Variants in RET observed in about 807,000 individuals in gnomAD.
RET encodes the protein ret proto-oncogene, also known as proto-oncogene tyrosine-protein kinase receptor Ret.
RET carries 19 observed loss-of-function variants against 118.3 expected under a neutral mutation model. That is an observed-to-expected ratio of 0.16 (90% CI 0.11 to 0.24). The LOEUF is 0.24. Among genes scored for constraint, RET ranks in the 10% least tolerant of loss-of-function variants. The probability of loss-of-function intolerance (pLI) is 1.00; values close to 1 mark genes in which losing one functional copy is unlikely to be tolerated. For missense variants in RET, 1,219 were observed against 1,502.1 expected (o/e 0.81, Z 3.12); for synonymous variants, 597 against 644.1 (o/e 0.93, Z 1.11).
At chr10:43,117,677 C>A (rs1222407130) in intron 12 of RET, among the ~76,000 whole-genome samples, 1 of 152,248 alleles carries the variant, frequency 6.6e-6, no homozygotes, top group African/African-American at 2.4e-5. Flanking sequence ...ATGTGCTGGG[C>A]AGGTGATCCC....
chr10:43,097,579 G>A (rs548438191), intron 1 of RET, among the ~76,000 whole-genome samples: 2 of 152,222 alleles, frequency 1.3e-5, no homozygotes, highest in East Asian at 1.9e-4. Context: ...GACCCTCCTC[G>A]CCCTGTGAGG....
chr10:43,116,754 G>A (rs1449806958), intron 12 of RET, 23 bp downstream of exon 12: 1 of 1,445,746 alleles, frequency 6.9e-7, no homozygotes, highest in Admixed American at 1.7e-5. Context: ...CACAGGCACA[G>A]TGCCCCTGGG....
chr10:43,119,632 A>G lies in RET; in HGVS notation c.2494A>G (p.Ser832Gly), dbSNP rs2132946382. 1 of 1,613,012 alleles carries G rather than the reference A, an allele frequency of 6.2e-7. No homozygotes were observed. Among genetic ancestry groups the G allele is most frequent in the Non-Finnish European group, 8.5e-7 (1 of 1,179,942 alleles). Residue 832 changes from serine to glycine, a missense_variant, in exon 14 of 20, where the codon AGC becomes GGC. Physicochemically the swap from Ser to Gly is moderately conservative, Grantham distance 56. Coordinates refer to ENST00000355710, the MANE Select transcript of RET (RefSeq NM_020975.6). ...GCCTGGCTACCTGGGCAGTGGAGGC[A>G]GCCGCAACTCCAGCTCCCTGGACCA... ...VGPGYLGSGGSRNSSSLDHPD... is the reference protein window; with the variant it reads ...VGPGYLGSGGGRNSSSLDHPD...
In RET at chr10:43,128,259, T is replaced by C. The variant is rs756449491; in HGVS notation, c.3335T>C (p.Phe1112Ser). The C allele has an allele frequency of 1.2e-6, 2 of 1,614,174 alleles. No homozygotes were observed. Among genetic ancestry groups the C allele is most frequent in the Non-Finnish European group, 1.7e-6 (2 of 1,180,034 alleles). ...TCAGCGGCAAAATTAATGGACACGT[T>C]TGATAGTTAACATTTCTTTGTGAAA... Reference protein sequence around the residue: ...SPSAAKLMDTFDS With the variant: ...SPSAAKLMDTSDS Residue 1112 changes from phenylalanine (F) to serine (S), a missense_variant, in exon 20 of 20, where the codon TTT (phenylalanine) becomes TCT (serine). Phe to Ser is a radical substitution (Grantham distance 155). This residue lies in a region of RET where 174 missense variants were observed against 179.3 expected (regional missense o/e 0.97). Coordinates refer to ENST00000355710, the MANE Select transcript of RET (RefSeq NM_020975.6).
intron 1 of RET, among the ~76,000 whole-genome samples, chr10:43,085,313 G>A (rs964410722): frequency 2.0e-5 from 3 of 152,174 alleles, no homozygotes; most frequent in South Asian, 2.1e-4. Flanking sequence ...GGGCTGGGCC[G>A]CTCTGCCCTG....
At chr10:43,104,923 C>T in intron 3 of RET, 29 bp from the exon 4 acceptor site, 5 of 1,547,352 alleles carry the variant, frequency 3.2e-6, no homozygotes, top group Non-Finnish European at 4.3e-6. Flanking sequence ...CTGGTGATCA[C>T]GCGGGGCCCC....
At chr10:43,127,206 C>G in intron 19 of RET, 1 of 1,083,446 alleles carries the variant, frequency 9.2e-7, no homozygotes, top group Non-Finnish European at 1.1e-6. Context: ...AGAGGCCACC[C>G]GGCACTGGCG....
At chr10:43,091,182 C>T (rs562734239) in intron 1 of RET, among the ~76,000 whole-genome samples, 1 of 152,292 alleles carries the variant, frequency 6.6e-6, no homozygotes, top group Non-Finnish European at 1.5e-5. Flanking sequence ...AAATGTAAAA[C>T]TTCTGTGAAC....
At chr10:43,090,828 G>T (rs540403818) in intron 1 of RET, among the ~76,000 whole-genome samples, 2 of 150,102 alleles carry the variant, frequency 1.3e-5, no homozygotes, top group East Asian at 3.9e-4. Context: ...ACCGAGGGCT[G>T]GCCCTAGCGG....
Position 43,128,377 on chromosome 10 carries a change from G to C in RET, c.*108G>C, listed in dbSNP as rs921056011. The C allele has an allele frequency of 4.5e-6, 6 of 1,331,620 alleles. No individual in the cohort carries two copies. The African/African-American group carries it at 7.2e-5, about 16-fold the overall frequency. The allele number at this position is 1,331,620 out of a possible 1,614,324, so 82.5% of individuals were successfully genotyped here. ...CGTCACATTGGCCGAGCCGTGTTCA[G>C]TTCCCAGGTGGCAGACTCGTTTTTG... On this transcript the variant is annotated 3_prime_UTR_variant, in exon 20 of 20. Coordinates refer to ENST00000355710, the MANE Select transcript of RET (RefSeq NM_020975.6).
chr10:43,104,372 C>T (rs1837710173), intron 3 of RET, among the ~76,000 whole-genome samples: 1 of 151,978 alleles, frequency 6.6e-6, no homozygotes, highest in Non-Finnish European at 1.5e-5. Context: ...CAAAAATTAG[C>T]CGGGCATGGT....
intron 1 of RET, among the ~76,000 whole-genome samples, chr10:43,094,759 G>T (rs1212814997): frequency 1.3e-5 from 2 of 152,228 alleles, no homozygotes; most frequent in African/African-American, 4.8e-5. Flanking sequence ...GTGAAAGCGG[G>T]TATATACCAG....
chr10:43,116,453 C>G (rs1564497212), intron 11 of RET, 131 bp from the exon 12 acceptor site: 2 of 1,175,080 alleles, frequency 1.7e-6, no homozygotes, highest in Non-Finnish European at 2.5e-6. Flanking sequence ...GCCGCTGGCT[C>G]AGATGACAGC....
Position 43,102,437 on chromosome 10 carries a change from G to A in RET, c.433G>A (p.Val145Ile), listed in dbSNP as rs1311922451. The change falls in exon 3 of 20, where the codon GTA (valine) becomes ATA (isoleucine). Residue 145 changes from valine to isoleucine, a missense_variant. Transcript: ENST00000355710. ...GECQWPGCAR[V>I]YFSFFNTSFP... ...GTGCCAGTGGCCAGGCTGTGCCCGC[G>A]TATACTTCTCCTTCTTCAACACCTC... The A allele has an allele frequency of 3.1e-6, 5 of 1,614,116 alleles. No individual in the cohort carries two copies. The highest frequency in any genetic ancestry group is 1.1e-5 in the South Asian group (1 of 91,092).
At chr10:43,125,842 C>T (rs1027218674) in intron 18 of RET, among the ~76,000 whole-genome samples, 1 of 152,186 alleles carries the variant, frequency 6.6e-6, no homozygotes, top group Non-Finnish European at 1.5e-5. Flanking sequence ...CACTGTCTCG[C>T]TTGGATGAAA....
chr10:43,126,394 A>G (rs1009933748), intron 18 of RET, among the ~76,000 whole-genome samples, 181 bp from the exon 19 acceptor site: 1 of 152,208 alleles, frequency 6.6e-6, no homozygotes, highest in Non-Finnish European at 1.5e-5. Context: ...GAGCAGGACC[A>G]GGCCAGCCAG....
chr10:43,113,774 C>T (rs548775596), intron 10 of RET, 99 bp downstream of exon 10: 38 of 1,522,318 alleles, frequency 2.5e-5, no homozygotes, highest in Admixed American at 7.6e-5. Context: ...TGCTGGGAGG[C>T]GAGTGGGCCC....
At position 43,100,820 on chromosome 10, in the gene RET, C is replaced by T. The variant is rs575765649; in HGVS notation, c.337+98C>T. ...CTGACACTGAAGCTTGGCATGGCTT[C>T]CCCCCCACCGCTGGTGTGGAAGGCG... On this transcript the variant is annotated intron_variant, in intron 2 of 19. Transcript: ENST00000355710. 115 of 1,315,738 alleles carry T rather than the reference C, an allele frequency of 8.7e-5. No homozygotes were observed. In the African/African-American group the frequency reaches 1.6e-3, roughly 18 times the overall value. 81.5% of individuals were successfully genotyped at this position (1,315,738 alleles called of 1,614,324 possible).
At chr10:43,101,918 C>T (rs770498279) in intron 2 of RET, among the ~76,000 whole-genome samples, 1 of 152,196 alleles carries the variant, frequency 6.6e-6, no homozygotes, top group Non-Finnish European at 1.5e-5. Context: ...ATGGCTATGG[C>T]GCTTCGGTGA....
Sources: gnomAD v4.1 joint callset for allele counts (sites outside exome capture counted in the v4.1 genomes callset) on GRCh38, gnomAD v4.1.1 for gene constraint, gnomAD v4.1.1 regional missense constraint, MANE v1.5 for transcripts, NCBI Gene and HGNC (gene_info 2026-07-23, HGNC 2026-07-21) for gene names.